The following CSMD1 variants were observed in gnomAD, a reference collection of about 807,000 sequenced individuals.
CSMD1 encodes the protein CUB and Sushi multiple domains 1.
A neutral mutation model predicts 417.5 loss-of-function variants in CSMD1; 213 were observed. The ratio of observed to expected loss-of-function variants is 0.51; its 90% CI spans 0.46 to 0.57. The LOEUF (loss-of-function observed/expected upper bound fraction) is 0.57, where lower values mean the gene tolerates loss of function less well. Among genes scored for constraint, CSMD1 ranks in the 20% least tolerant of loss-of-function variants. CSMD1 has a pLI of 0.00. For synonymous variants in CSMD1, 2,862 were observed against 1,736.8 expected, an observed-to-expected ratio of 1.65 and a Z score of -16.11; for missense variants, 6,923 against 4,529.7, an observed-to-expected ratio of 1.53 and a Z score of -15.17.
intron 26 of CSMD1, among the ~76,000 whole-genome samples, chr8:3,255,559 G>A (rs959742665): frequency 6.6e-6 from 1 of 152,220 alleles, no homozygotes; most frequent in Non-Finnish European, 1.5e-5. Context: ...ACTCAAGCCT[G>A]TGCAATGGTG....
chr8:4,293,710 C>T (rs770798445), intron 3 of CSMD1, among the ~76,000 whole-genome samples: 1 of 152,148 alleles, frequency 6.6e-6, no homozygotes, highest in African/African-American at 2.4e-5. Context: ...GCATTCCATA[C>T]TTTAAAAAAG....
At chr8:4,397,456 G>A (rs1253783653) in intron 3 of CSMD1, among the ~76,000 whole-genome samples, 2 of 142,962 alleles carry the variant, frequency 1.4e-5, no homozygotes, top group African/African-American at 5.9e-5. Flanking sequence ...CGGGAGATAC[G>A]TGATCTGTTG....
At chr8:4,556,540 C>T (rs1203147323) in intron 2 of CSMD1, among the ~76,000 whole-genome samples, 3 of 151,946 alleles carry the variant, frequency 2.0e-5, no homozygotes, top group African/African-American at 7.3e-5. Flanking sequence ...AGTTCCTTCT[C>T]GGTACAACAG....
chr8:4,856,139 C>A (rs1430597267), intron 1 of CSMD1, among the ~76,000 whole-genome samples: 6 of 150,930 alleles, frequency 4.0e-5, no homozygotes, highest in African/African-American at 1.5e-4. Flanking sequence ...AATTTTCAAC[C>A]CAGAATTTCA....
At chr8:3,721,165 A>C (rs1802147297) in intron 6 of CSMD1, among the ~76,000 whole-genome samples, 1 of 152,004 alleles carries the variant, frequency 6.6e-6, no homozygotes, top group Admixed American at 6.6e-5. Context: ...TGGTCCTGAA[A>C]CACCATTTTT....
intron 3 of CSMD1, among the ~76,000 whole-genome samples, chr8:4,155,859 CA>C (rs1486376687): frequency 6.6e-6 from 1 of 152,064 alleles, no homozygotes; most frequent in South Asian, 2.1e-4. Flanking sequence ...AATGAAACAA[CA>C]AAAAAGTGCC....
At chr8:4,275,077 G>C (rs1316674364) in intron 3 of CSMD1, among the ~76,000 whole-genome samples, 3 of 152,114 alleles carry the variant, frequency 2.0e-5, no homozygotes, top group South Asian at 4.1e-4. Flanking sequence ...AATGAGATTA[G>C]TGATATAAGA....
intron 3 of CSMD1, among the ~76,000 whole-genome samples, chr8:4,180,546 G>A (rs34856349): frequency 2.0e-5 from 3 of 151,604 alleles, no homozygotes; most frequent in Admixed American, 6.6e-5. Context: ...CCTGCACATT[G>A]TGCACATGTA....
intron 9 of CSMD1, 142 bp from the exon 10 acceptor site, chr8:3,575,208 G>C (rs1385531974): frequency 5.2e-5 from 45 of 863,102 alleles, no homozygotes; most frequent in Non-Finnish European, 7.4e-5. Flanking sequence ...ACTCCAACTG[G>C]GGCATGGACT....
At chr8:3,849,532 G>A (rs947681036) in intron 5 of CSMD1, among the ~76,000 whole-genome samples, 1 of 152,100 alleles carries the variant, frequency 6.6e-6, no homozygotes, top group Non-Finnish European at 1.5e-5. Context: ...TTAGAATGAC[G>A]ACTTCAGCAG....
chr8:3,427,225 T>G (rs1395107703), intron 12 of CSMD1, among the ~76,000 whole-genome samples: 1 of 152,180 alleles, frequency 6.6e-6, no homozygotes, highest in African/African-American at 2.4e-5. Context: ...TAACAAGAAC[T>G]GGTCAGATTT....
chr8:4,294,122 A>G (rs1300637390), intron 3 of CSMD1, among the ~76,000 whole-genome samples: 2 of 152,172 alleles, frequency 1.3e-5, no homozygotes, highest in Non-Finnish European at 2.9e-5. Context: ...GTAATGTGGC[A>G]ATGACACTGA....
chr8:4,236,841 C>G (rs1314787376), intron 3 of CSMD1, among the ~76,000 whole-genome samples: 2 of 152,150 alleles, frequency 1.3e-5, no homozygotes, highest in African/African-American at 4.8e-5. Flanking sequence ...ATAGAAGTCA[C>G]TGAACAAAAT....
chr8:4,030,098 C>G (rs1360282138), intron 4 of CSMD1, among the ~76,000 whole-genome samples: 1 of 152,206 alleles, frequency 6.6e-6, no homozygotes, highest in Non-Finnish European at 1.5e-5. Context: ...CTTTCATGGG[C>G]TGCTGTTAAC....
intron 10 of CSMD1, among the ~76,000 whole-genome samples, chr8:3,504,631 C>A (rs191980174): frequency 2.0e-5 from 3 of 152,204 alleles, no homozygotes; most frequent in Admixed American, 6.5e-5. Context: ...TGTCTTCTCT[C>A]TGACTCTGCA....
chr8:3,078,206 G>A (rs1478165796), intron 49 of CSMD1, among the ~76,000 whole-genome samples: 3 of 152,142 alleles, frequency 2.0e-5, no homozygotes, highest in Non-Finnish European at 2.9e-5. Flanking sequence ...TCCTTGTGCA[G>A]AAAGGTCAAG....
chr8:3,919,992 A>C (rs562084759), intron 5 of CSMD1, among the ~76,000 whole-genome samples: 1 of 150,756 alleles, frequency 6.6e-6, no homozygotes, highest in South Asian at 2.1e-4. Flanking sequence ...AATATACCAA[A>C]TTTTTTTTTA....
chr8:3,531,717 C>CA lies in CSMD1; in HGVS notation c.1345-37992dup, dbSNP rs919209793. 5.9e-5 allele frequency among the ~76,000 whole-genome samples: 9 copies of CA among 152,200 alleles called. No homozygotes were observed. The South Asian group carries it at 1.0e-3, about 18-fold the overall frequency. On this transcript the variant is annotated intron_variant, in intron 10 of 69. Coordinates refer to ENST00000635120, the MANE Select transcript of CSMD1 (RefSeq NM_033225.6). The stretch of plus-strand genomic sequence containing the variant: ...CCTCAGCAGAACTTCCCTTGTAACA[C>CA]AAAAAAACCCCAAGAAATCACTTCT...
At chr8:3,571,801 T>A (rs1435052004) in intron 10 of CSMD1, among the ~76,000 whole-genome samples, 2 of 152,224 alleles carry the variant, frequency 1.3e-5, no homozygotes, top group African/African-American at 4.8e-5. Flanking sequence ...TCTGCTCTGT[T>A]TCAGACCTTA....
Sources: allele counts gnomAD v4.1 joint callset (sites outside exome capture counted in the v4.1 genomes callset), GRCh38; gene constraint gnomAD v4.1.1; transcripts MANE v1.5; gene names NCBI Gene and HGNC (gene_info 2026-07-23, HGNC 2026-07-21).